Variants in ZDHHC13 observed in about 807,000 individuals in gnomAD.
ZDHHC13 encodes zDHHC palmitoyltransferase 13, also known as palmitoyltransferase ZDHHC13.
Under a neutral mutation model 86.0 loss-of-function variants are expected in ZDHHC13, and 85 were observed. That is an observed-to-expected ratio of 0.99 (90% CI 0.83 to 1.18). The LOEUF is 1.18. Among genes scored for constraint, ZDHHC13 ranks in the 50% most tolerant of loss-of-function variants. The probability of loss-of-function intolerance (pLI) is 0.00; values close to 1 mark genes in which losing one functional copy is unlikely to be tolerated. For synonymous variants in ZDHHC13, 263 were observed against 246.4 expected (o/e 1.07, Z -0.63); for missense variants, 711 against 730.2 (o/e 0.97, Z 0.30).
At chr11:19,119,782 A>G (rs1363612316) in intron 1 of ZDHHC13, among the ~76,000 whole-genome samples, 1 of 152,220 alleles carries the variant, frequency 6.6e-6, no homozygotes, top group Non-Finnish European at 1.5e-5. Flanking sequence ...TGTGCCTGGC[A>G]TCTGGAACAA....
At chr11:19,152,120 C>A (rs750122681) in intron 6 of ZDHHC13, 38 bp from the exon 7 acceptor site, 1 of 1,597,140 alleles carries the variant, frequency 6.3e-7, no homozygotes, top group South Asian at 1.1e-5. Context: ...GTCATCATCT[C>A]TGTTAATGCC....
intron 12 of ZDHHC13, chr11:19,164,653 C>T (rs1850007427): frequency 2.3e-6 from 1 of 439,110 alleles, no homozygotes; most frequent in African/African-American, 2.0e-5. Context: ...AAATCAGAGG[C>T]TCATAATGAC....
intron 1 of ZDHHC13, among the ~76,000 whole-genome samples, chr11:19,118,533 A>G (rs1848694938): frequency 6.6e-6 from 1 of 152,206 alleles, no homozygotes; most frequent in African/African-American, 2.4e-5. Context: ...ATTATGTCTT[A>G]ATTACTGCCA....
Position 19,150,761 on chromosome 11 carries a change from C to G in ZDHHC13, c.554C>G (p.Pro185Arg). The G allele has an allele frequency of 6.2e-7, 1 of 1,610,550 alleles. No individual in the cohort carries two copies. The change falls in exon 6 of 17, where the codon CCT (proline) becomes CGT (arginine). Residue 185 changes from proline (P) to arginine (R), a missense_variant. Pro to Arg is a moderately radical substitution (Grantham distance 103). Coordinates refer to ENST00000446113, the MANE Select transcript of ZDHHC13 (RefSeq NM_019028.3). ...ATGACAGATGTAAATGGGCAGACAC[C>G]TCTCATGTTATCAGCTCACAAAGTA... ...VNMTDVNGQTPLMLSAHKVIG... is the reference protein window; with the variant it reads ...VNMTDVNGQTRLMLSAHKVIG...
At chr11:19,140,668 A>G (rs1391292984) in intron 1 of ZDHHC13, among the ~76,000 whole-genome samples, 1 of 152,142 alleles carries the variant, frequency 6.6e-6, no homozygotes, top group Admixed American at 6.5e-5. Context: ...AACCAACCCA[A>G]ATGTCCAACA....
chr11:19,141,562 T>G (rs1466977982), intron 1 of ZDHHC13, among the ~76,000 whole-genome samples: 1 of 152,100 alleles, frequency 6.6e-6, no homozygotes, highest in Non-Finnish European at 1.5e-5. Flanking sequence ...ATTGATCATC[T>G]ACCCATCTGC....
intron 5 of ZDHHC13, 54 bp from the exon 6 acceptor site, chr11:19,150,673 A>C: frequency 6.8e-7 from 1 of 1,466,826 alleles, no homozygotes. Context: ...TTAAGAGAAC[A>C]AATAGACTTT....
chr11:19,139,268 C>T (rs1227503080), intron 1 of ZDHHC13, among the ~76,000 whole-genome samples: 2 of 152,142 alleles, frequency 1.3e-5, no homozygotes, highest in South Asian at 2.1e-4. Flanking sequence ...TATACACCAA[C>T]AACAGACAAA....
rs552812079 is a variant in ZDHHC13, at chr11:19,163,861, A to G, written c.1233+434A>G. 2.6e-5 allele frequency among the ~76,000 whole-genome samples: 4 copies of G among 152,316 alleles called. No individual in the cohort carries two copies. The East Asian group carries it at 5.8e-4, about 22-fold the overall frequency. On this transcript the variant is annotated intron_variant, in intron 11 of 16. Transcript: ENST00000446113. ...TGACATGGCATGTTTTCCGTTGCTC[A>G]TGAATGTTTAGAAGTTGGAGAATGT...
chr11:19,145,399 A>G (rs1849433219), intron 2 of ZDHHC13, among the ~76,000 whole-genome samples: 1 of 152,118 alleles, frequency 6.6e-6, no homozygotes, highest in South Asian at 2.1e-4. Flanking sequence ...ACTGCCTCCA[A>G]TGCGATCTTT....
intron 1 of ZDHHC13, among the ~76,000 whole-genome samples, chr11:19,138,845 C>T (rs1849224388): frequency 6.6e-6 from 1 of 152,018 alleles, no homozygotes; most frequent in Non-Finnish European, 1.5e-5. Context: ...CAGAAAAGGC[C>T]TTTGAGAAAA....
At chr11:19,118,450 T>G (rs1384141507) in intron 1 of ZDHHC13, among the ~76,000 whole-genome samples, 1 of 152,258 alleles carries the variant, frequency 6.6e-6, no homozygotes, top group Non-Finnish European at 1.5e-5. Flanking sequence ...CAAAGGGTGT[T>G]GAATCTTCAC....
intron 5 of ZDHHC13, among the ~76,000 whole-genome samples, chr11:19,149,812 G>GT (rs1394181191): frequency 6.6e-6 from 1 of 152,202 alleles, no homozygotes; most frequent in African/African-American, 2.4e-5. Flanking sequence ...ATAGGTTATT[G>GT]TAAGTTTCAC....
chr11:19,144,488 A>G (rs1849404862), intron 2 of ZDHHC13, among the ~76,000 whole-genome samples: 1 of 105,302 alleles, frequency 9.5e-6, no homozygotes, highest in Admixed American at 1.2e-4. Flanking sequence ...GCAAAACCTG[A>G]ATGTATATTC....
intron 4 of ZDHHC13, chr11:19,148,603 G>C (rs569421973): frequency 2.0e-5 from 3 of 152,198 alleles, no homozygotes; most frequent in Non-Finnish European, 4.4e-5. Context: ...TATTATTCAC[G>C]TATGGTAATG....
At chr11:19,171,507 G>C (rs4757762) in intron 15 of ZDHHC13, among the ~76,000 whole-genome samples, 52,853 of 151,992 alleles carry the variant, frequency 0.35, 9,424 homozygotes, top group African/African-American at 0.41. Flanking sequence ...AATGTTTAGG[G>C]ATGAAACTGA....
chr11:19,147,574 C>G, intron 3 of ZDHHC13, 22 bp from the exon 4 acceptor site: 1 of 1,565,248 alleles, frequency 6.4e-7, no homozygotes, highest in South Asian at 1.2e-5. Context: ...ATCTTACTTT[C>G]ATTTGTGTCT....
At chr11:19,153,937 G>C (rs1849686704) in intron 8 of ZDHHC13, among the ~76,000 whole-genome samples, 2 of 151,580 alleles carry the variant, frequency 1.3e-5, no homozygotes, top group African/African-American at 4.9e-5. Context: ...TTTATGTCCA[G>C]AATCTGACCC....
At chr11:19,146,994 C>T (rs552629972) in intron 3 of ZDHHC13, among the ~76,000 whole-genome samples, 2 of 152,216 alleles carry the variant, frequency 1.3e-5, no homozygotes, top group African/African-American at 4.8e-5. Flanking sequence ...GTATGAAGCT[C>T]AACTTTGAAG....
Sources: allele counts gnomAD v4.1 joint callset (sites outside exome capture counted in the v4.1 genomes callset), GRCh38; gene constraint gnomAD v4.1.1; transcripts MANE v1.5; gene names NCBI Gene and HGNC (gene_info 2026-07-23, HGNC 2026-07-21).